GRIA4: variants seen among roughly 807,000 people sequenced by gnomAD.
GRIA4 encodes glutamate ionotropic receptor AMPA type subunit 4, also known as glutamate receptor 4.
Under a neutral mutation model 104.0 loss-of-function variants are expected in GRIA4, and 34 were observed. The observed-to-expected ratio is 0.33, with a 90% CI of 0.25 to 0.44. GRIA4 has a LOEUF of 0.44. Among genes scored for constraint, GRIA4 ranks in the 20% least tolerant of loss-of-function variants. GRIA4 has a pLI of 1.00. For missense variants in GRIA4, 750 were observed against 1,096.5 expected (o/e 0.68, Z 4.46); for synonymous variants, 386 against 381.9 (o/e 1.01, Z -0.13).
intron 3 of GRIA4, among the ~76,000 whole-genome samples, chr11:105,680,674 G>A (rs1452044019): frequency 6.6e-6 from 1 of 152,074 alleles, no homozygotes; most frequent in Non-Finnish European, 1.5e-5. Context: ...TCTTCAAAAT[G>A]GAGGTTAAGA....
At chr11:105,806,057 C>T (rs1942940679) in intron 4 of GRIA4, among the ~76,000 whole-genome samples, 2 of 151,882 alleles carry the variant, frequency 1.3e-5, no homozygotes, top group African/African-American at 2.4e-5. Flanking sequence ...GTATTTTTTT[C>T]TTGTTCTCTT....
intron 4 of GRIA4, among the ~76,000 whole-genome samples, chr11:105,808,198 T>C (rs1386356714): frequency 1.3e-5 from 2 of 151,956 alleles, no homozygotes; most frequent in Non-Finnish European, 2.9e-5. Context: ...GATCTTTGTT[T>C]TGGGGCTCAA....
chr11:105,754,473 C>A (rs1271829631), intron 4 of GRIA4, among the ~76,000 whole-genome samples: 4 of 152,140 alleles, frequency 2.6e-5, no homozygotes, highest in Non-Finnish European at 5.9e-5. Flanking sequence ...GGCAATAAGA[C>A]TTCTGCTTAC....
At chr11:105,937,547 T>C (rs1376220801) in intron 14 of GRIA4, among the ~76,000 whole-genome samples, 1 of 152,294 alleles carries the variant, frequency 6.6e-6, no homozygotes, top group East Asian at 1.9e-4. Context: ...CTAGTGTCTG[T>C]AAATACCTCC....
At chr11:105,818,335 AC>A (rs1447048449) in intron 4 of GRIA4, among the ~76,000 whole-genome samples, 1 of 152,070 alleles carries the variant, frequency 6.6e-6, no homozygotes, top group Non-Finnish European at 1.5e-5. Flanking sequence ...GATGAATGCT[AC>A]CTCACTGATA....
intron 4 of GRIA4, among the ~76,000 whole-genome samples, chr11:105,771,259 C>A (rs1196279641): frequency 6.6e-6 from 1 of 152,028 alleles, no homozygotes; most frequent in Non-Finnish European, 1.5e-5. Context: ...CAAAAACTAA[C>A]CTTCCTTTGT....
chr11:105,742,980 AC>A (rs1219896165), intron 3 of GRIA4, among the ~76,000 whole-genome samples: 1 of 152,048 alleles, frequency 6.6e-6, no homozygotes, highest in Non-Finnish European at 1.5e-5. Context: ...CATGTGATCC[AC>A]CCATCTCAGC....
Position 105,866,551 on chromosome 11 carries a change from GTATATATA to G in GRIA4, c.672+4369_672+4376del, listed in dbSNP as rs71041633. On this transcript the variant is annotated intron_variant, in intron 5 of 16. Transcript: ENST00000282499. The stretch of plus-strand genomic sequence containing the variant: ...TATACGCATATGTGTGTGTGTGTGT[GTATATATA>G]TATATATATATATATATATATATAT... Among the ~76,000 whole-genome samples, 76 of 76,716 alleles carry G rather than the reference GTATATATA, an allele frequency of 9.9e-4. 2 individuals carry two copies. The highest frequency in any genetic ancestry group is 4.0e-3 in the African/African-American group (61 of 15,338). 50.3% of individuals were successfully genotyped at this position (76,716 alleles called of 152,430 possible). A position where few individuals can be genotyped will look rare whatever the true frequency, so the allele number is the denominator to read the frequency against.
intron 3 of GRIA4, among the ~76,000 whole-genome samples, chr11:105,696,778 T>A (rs78217685): frequency 5.4e-5 from 8 of 148,530 alleles, no homozygotes; most frequent in Non-Finnish European, 7.5e-5. Context: ...TTTTTTTTTT[T>A]ATTGAAACAG....
chr11:105,694,399 G>A (rs1037679902), intron 3 of GRIA4, among the ~76,000 whole-genome samples: 4 of 151,952 alleles, frequency 2.6e-5, no homozygotes, highest in African/African-American at 9.7e-5. Context: ...CACCCACCTC[G>A]GCCTCCCAAA....
chr11:105,978,739 A>G (rs1185350900), intron 16 of GRIA4, among the ~76,000 whole-genome samples: 1 of 152,182 alleles, frequency 6.6e-6, no homozygotes, highest in East Asian at 1.9e-4. Context: ...CTCTTAAGTT[A>G]TAATTCTAGC....
intron 3 of GRIA4, among the ~76,000 whole-genome samples, chr11:105,723,442 T>G (rs536679234): frequency 1.3e-4 from 20 of 152,242 alleles, no homozygotes; most frequent in African/African-American, 3.8e-4. Context: ...GCATATCTGA[T>G]GTAAAATAAC....
chr11:105,722,433 G>T (rs12273096), intron 3 of GRIA4, among the ~76,000 whole-genome samples: 6,179 of 152,072 alleles, frequency 0.041, 300 homozygotes, highest in African/African-American at 0.12. Context: ...ACTTATAATC[G>T]GTTTGTGGAG....
At chr11:105,918,124 A>G (rs895280308) in intron 10 of GRIA4, among the ~76,000 whole-genome samples, 11 of 152,108 alleles carry the variant, frequency 7.2e-5, no homozygotes, top group African/African-American at 2.7e-4. Context: ...TAATGCAAAT[A>G]ACTATTTAAG....
intron 4 of GRIA4, among the ~76,000 whole-genome samples, chr11:105,827,642 T>C (rs1159714976): frequency 6.6e-6 from 1 of 152,000 alleles, no homozygotes; most frequent in Non-Finnish European, 1.5e-5. Flanking sequence ...AAAATTTTCT[T>C]CCATTCATCA....
At position 105,662,670 on chromosome 11, in the gene GRIA4, C is replaced by G. The variant is rs932799214; in HGVS notation, c.247+50236C>G. On this transcript the variant is annotated intron_variant, in intron 3 of 16. Transcript: ENST00000282499. ...CTCATTCTGAAGTGAAACTTTGAGACAGATGGAAAATAATATGTAACAAAG... is the reference window on the plus strand; with the variant it reads ...CTCATTCTGAAGTGAAACTTTGAGAGAGATGGAAAATAATATGTAACAAAG... Among the ~76,000 whole-genome samples, 10 of 151,972 alleles carry G rather than the reference C, an allele frequency of 6.6e-5. No individual in the cohort carries two copies. In the South Asian group the frequency reaches 2.1e-3, roughly 31 times the overall value.
intron 4 of GRIA4, among the ~76,000 whole-genome samples, chr11:105,820,482 C>A (rs1484477747): frequency 6.6e-6 from 1 of 152,054 alleles, no homozygotes; most frequent in Non-Finnish European, 1.5e-5. Context: ...CTCCCCCATG[C>A]CAGGCATCTC....
intron 3 of GRIA4, among the ~76,000 whole-genome samples, chr11:105,642,537 G>GGA (rs1491117031): frequency 4.1e-5 from 3 of 72,448 alleles, no homozygotes; most frequent in South Asian, 5.7e-4. Context: ...CAATTTTAAT[G>GGA]AAAAAAAAAA....
chr11:105,688,160 A>ATATCTATATC (rs1952956047), intron 3 of GRIA4, among the ~76,000 whole-genome samples: 1 of 141,110 alleles, frequency 7.1e-6, no homozygotes, highest in Non-Finnish European at 1.5e-5. Context: ...CTATATCTCT[A>ATATCTATATC]TCTATCTATC....
Sources: gnomAD v4.1 joint callset for allele counts (sites outside exome capture counted in the v4.1 genomes callset) on GRCh38, gnomAD v4.1.1 for gene constraint, MANE v1.5 for transcripts, NCBI Gene and HGNC (gene_info 2026-07-23, HGNC 2026-07-21) for gene names.